The following LRRC2 variants were observed in gnomAD, a reference collection of about 807,000 sequenced individuals.
LRRC2 encodes leucine-rich repeat-containing protein 2.
Under a neutral mutation model 40.2 loss-of-function variants are expected in LRRC2, and 27 were observed. That is an observed-to-expected ratio of 0.67 (90% CI 0.49 to 0.93). The LOEUF is 0.93. Ranked by LOEUF, LRRC2 falls within the 40% of genes least tolerant of loss-of-function variation. LRRC2 has a pLI of 0.00. For missense variants in LRRC2, 402 were observed against 439.6 expected (o/e 0.91, Z 0.76); for synonymous variants, 147 against 158.9 (o/e 0.92, Z 0.56).
intron 2 of LRRC2, among the ~76,000 whole-genome samples, chr3:46,547,844 T>C (rs17078949): frequency 0.044 from 6,680 of 152,116 alleles, 511 homozygotes; most frequent in African/African-American, 0.15. Context: ...CTTATTAGCT[T>C]TTCTGTGTGA....
intron 1 of LRRC2, among the ~76,000 whole-genome samples, chr3:46,556,412 C>G (rs1313419513): frequency 1.1e-4 from 17 of 152,160 alleles, no homozygotes; most frequent in African/African-American, 4.1e-4. Flanking sequence ...CAGGCATGAG[C>G]CACCGCACCT....
chr3:46,536,063 A>G (rs138763991), intron 4 of LRRC2, among the ~76,000 whole-genome samples: 1 of 152,308 alleles, frequency 6.6e-6, no homozygotes, highest in East Asian at 1.9e-4. Context: ...GAAACATGTG[A>G]GGCACAGACT....
intron 6 of LRRC2, among the ~76,000 whole-genome samples, chr3:46,529,594 A>G (rs922819462): frequency 1.3e-5 from 2 of 152,242 alleles, no homozygotes; most frequent in African/African-American, 4.8e-5. Flanking sequence ...TCTATACTTA[A>G]TAAATTAACT....
At position 46,519,037 on chromosome 3, in the gene LRRC2, C is replaced by A. The variant is rs746741025; in HGVS notation, c.1093G>T (p.Val365Leu). 1 of 1,610,290 alleles carries A rather than the reference C, an allele frequency of 6.2e-7. No homozygotes were observed. Among genetic ancestry groups the A allele is most frequent in the Non-Finnish European group, 8.5e-7 (1 of 1,176,682 alleles). The change falls in exon 9 of 9, where the codon GTG becomes TTG. Residue 365 changes from valine to leucine, a missense_variant. Coordinates refer to ENST00000395905, the MANE Select transcript of LRRC2 (RefSeq NM_024512.5). ...RESVPSYTTK[V>L]SFSLQL ...TATCAAAGTTGAAGGCTAAAAGACA[C>A]TTTGGTGGTATAGCTGGGAACAGAT...
intron 7 of LRRC2, among the ~76,000 whole-genome samples, chr3:46,526,381 C>T (rs62247799): frequency 0.13 from 20,336 of 152,166 alleles, 1,443 homozygotes; most frequent in African/African-American, 0.17. Context: ...GCTGCCAAGC[C>T]TGCTTCCAGG....
At chr3:46,535,182 C>G (rs1042367918) in intron 4 of LRRC2, among the ~76,000 whole-genome samples, 1 of 152,204 alleles carries the variant, frequency 6.6e-6, no homozygotes, top group Non-Finnish European at 1.5e-5. Flanking sequence ...GACAACCTTA[C>G]CTAAATCATT....
At chr3:46,531,024 GC>G (rs1166951906) in intron 5 of LRRC2, among the ~76,000 whole-genome samples, 5 of 152,088 alleles carry the variant, frequency 3.3e-5, no homozygotes, top group Non-Finnish European at 5.9e-5. Context: ...AATAGCAGGA[GC>G]CCCCCTGACG....
At chr3:46,551,751 C>CTTTT (rs748541390) in intron 1 of LRRC2, 141 bp from the exon 2 acceptor site, 77 of 138,890 alleles carry the variant, frequency 5.5e-4, no homozygotes, top group South Asian at 1.4e-3. Context: ...TGACAGTTTG[C>CTTTT]TTTTTTTTTT....
At chr3:46,546,503 CT>C (rs1704527881) in intron 2 of LRRC2, among the ~76,000 whole-genome samples, 2 of 152,186 alleles carry the variant, frequency 1.3e-5, no homozygotes, top group Non-Finnish European at 2.9e-5. Context: ...GATGGATAGC[CT>C]TTTCCCGGAA....
intron 3 of LRRC2, 105 bp from the exon 4 acceptor site, chr3:46,539,306 G>T: frequency 8.8e-7 from 1 of 1,130,170 alleles, no homozygotes; most frequent in Non-Finnish European, 1.3e-6. Flanking sequence ...AAGCAGACAC[G>T]AGAGCATAAA....
In LRRC2 at chr3:46,545,189, A is replaced by G. The variant is rs1198087728; in HGVS notation, c.190T>C (p.Cys64Arg). 2.4e-5 allele frequency: 39 copies of G among 1,614,072 alleles called. No individual in the cohort carries two copies. Among genetic ancestry groups the G allele is most frequent in the Non-Finnish European group, 3.2e-5 (38 of 1,180,032 alleles). ...CTGGTGTCTATGAAGCCATTCTTGC[A>G]GTATACAGCCTGGGGGATGCCCTTC... ...RRKGIPQAVY[C>R]KNGFIDTSVR... Residue 64 changes from cysteine (C) to arginine (R), a missense_variant, in exon 3 of 9, where the codon TGC becomes CGC. By Grantham distance (180) the Cys-to-Arg change is radical. Coordinates refer to ENST00000395905, the MANE Select transcript of LRRC2 (RefSeq NM_024512.5).
intron 1 of LRRC2, among the ~76,000 whole-genome samples, chr3:46,561,911 T>C (rs532756590): frequency 6.6e-6 from 1 of 152,326 alleles, no homozygotes; most frequent in Admixed American, 6.5e-5. Context: ...ACATTCCATA[T>C]GTAAACAGGT....
intron 4 of LRRC2, among the ~76,000 whole-genome samples, chr3:46,536,455 A>G (rs1173071900): frequency 6.6e-6 from 1 of 152,172 alleles, no homozygotes; most frequent in Non-Finnish European, 1.5e-5. Context: ...CACTTTACGG[A>G]TGAAGAAACT....
At chr3:46,555,997 C>A (rs566478430) in intron 1 of LRRC2, among the ~76,000 whole-genome samples, 5 of 152,296 alleles carry the variant, frequency 3.3e-5, no homozygotes, top group African/African-American at 1.2e-4. Context: ...TTAATCAGCA[C>A]CCTTAGAATG....
In LRRC2 at chr3:46,518,962, G is replaced by C. The variant is rs944750189; in HGVS notation, c.*52C>G. 1 of 1,238,064 alleles carries C rather than the reference G, an allele frequency of 8.1e-7. No individual in the cohort carries two copies. Among genetic ancestry groups the C allele is most frequent in the African/African-American group, 1.5e-5 (1 of 67,414 alleles). The allele number at this position is 1,238,064 out of a possible 1,614,324, so 76.7% of individuals were successfully genotyped here. On this transcript the variant is annotated 3_prime_UTR_variant, in exon 9 of 9. Coordinates refer to ENST00000395905, the MANE Select transcript of LRRC2 (RefSeq NM_024512.5). ...TCCTATATGACATGATCATAACAAA[G>C]ATTTATATATAGCTCCAGAGAATAG...
intron 2 of LRRC2, among the ~76,000 whole-genome samples, chr3:46,546,934 A>G (rs928122842): frequency 1.3e-5 from 2 of 152,150 alleles, no homozygotes; most frequent in Non-Finnish European, 2.9e-5. Flanking sequence ...GAGATGAAGG[A>G]AAACTCATAA....
At chr3:46,519,225 T>C (rs965614674) in intron 8 of LRRC2, among the ~76,000 whole-genome samples, 162 bp from the exon 9 acceptor site, 3 of 125,918 alleles carry the variant, frequency 2.4e-5, no homozygotes, top group African/African-American at 7.4e-5. Flanking sequence ...AATGCATTTG[T>C]CACCATTAAG....
At chr3:46,535,432 T>C (rs1296387431) in intron 4 of LRRC2, among the ~76,000 whole-genome samples, 1 of 152,222 alleles carries the variant, frequency 6.6e-6, no homozygotes, top group Non-Finnish European at 1.5e-5. Context: ...TATATATGAC[T>C]TAAATCTGGT....
At chr3:46,522,925 T>A (rs982262619) in intron 7 of LRRC2, among the ~76,000 whole-genome samples, 3 of 152,156 alleles carry the variant, frequency 2.0e-5, no homozygotes, top group African/African-American at 7.2e-5. Flanking sequence ...ATCTCTTAAA[T>A]AGTTTTTGGT....
Sources: allele counts gnomAD v4.1 joint callset (sites outside exome capture counted in the v4.1 genomes callset), GRCh38; gene constraint gnomAD v4.1.1; transcripts MANE v1.5; gene names NCBI Gene and HGNC (gene_info 2026-07-23, HGNC 2026-07-21).